GALNT13: variants seen among roughly 807,000 people sequenced by gnomAD.
The protein encoded by GALNT13 is UDP-GalNAc:polypeptide N-acetylgalactosaminyltransferase 13.
Under a neutral mutation model 64.2 loss-of-function variants are expected in GALNT13, and 28 were observed. That is an observed-to-expected ratio of 0.44 (90% CI 0.32 to 0.60). The LOEUF is 0.60. Ranked by LOEUF, GALNT13 falls within the 20% of genes least tolerant of loss-of-function variation. GALNT13 has a pLI of 0.05. For missense variants in GALNT13, 577 were observed against 669.8 expected (o/e 0.86, Z 1.53); for synonymous variants, 214 against 224.6 (o/e 0.95, Z 0.42).
At chr2:153,645,903 A>T in the GALNT13 span, among the ~76,000 whole-genome samples, 1 of 152,110 alleles carries the variant, frequency 6.6e-6, no homozygotes, top group African/African-American at 2.4e-5. Flanking sequence ...ACCAGCACCC[A>T]TTCTAGTATT....
chr2:153,160,457 T>A, the GALNT13 span, among the ~76,000 whole-genome samples: 1 of 152,220 alleles, frequency 6.6e-6, no homozygotes, highest in Non-Finnish European at 1.5e-5. Context: ...TTTTCCTTTC[T>A]GCTTTGCATC....
At chr2:154,131,252 G>A (rs1393571580) in intron 3 of GALNT13, among the ~76,000 whole-genome samples, 1 of 150,112 alleles carries the variant, frequency 6.7e-6, no homozygotes, top group Non-Finnish European at 1.5e-5. Flanking sequence ...TTGTATATAA[G>A]AAGCGTATGA....
At chr2:154,125,147 A>G (rs2105527605) in intron 3 of GALNT13, among the ~76,000 whole-genome samples, 1 of 152,292 alleles carries the variant, frequency 6.6e-6, no homozygotes. Flanking sequence ...ACATTTTAGA[A>G]CAGTGCCTAG....
chr2:153,221,617 C>A, the GALNT13 span, among the ~76,000 whole-genome samples: 2 of 152,190 alleles, frequency 1.3e-5, no homozygotes, highest in African/African-American at 4.8e-5. Flanking sequence ...CCCACTCAGC[C>A]AGGCAGGCTG....
intron 4 of GALNT13, among the ~76,000 whole-genome samples, chr2:154,206,582 G>A (rs1287616108): frequency 6.6e-6 from 1 of 151,934 alleles, no homozygotes; most frequent in African/African-American, 2.4e-5. Context: ...ATCAGCTGAA[G>A]GCAGGAGTTC....
At chr2:154,162,106 A>T (rs1684767534) in intron 4 of GALNT13, among the ~76,000 whole-genome samples, 1 of 152,192 alleles carries the variant, frequency 6.6e-6, no homozygotes, top group Non-Finnish European at 1.5e-5. Context: ...CTTTTGAAAA[A>T]TTATATTGTG....
Position 154,453,236 on chromosome 2 carries a change from T to C in GALNT13, c.*2685T>C, listed in dbSNP as rs1394240060. Reference sequence around the variant, plus strand: ...GTGATTCTGTTAACCATGAATTTGATTGTGTCACTTCCCTGCTCACAATCT... The same window carrying C: ...GTGATTCTGTTAACCATGAATTTGACTGTGTCACTTCCCTGCTCACAATCT... On this transcript the variant is annotated 3_prime_UTR_variant, in exon 13 of 13. Transcript: ENST00000392825. 7.9e-5 allele frequency: 12 copies of C among 152,128 alleles called. No individual in the cohort carries two copies. The allele number at this position is 152,128 out of a possible 1,614,324, so 9.4% of individuals were successfully genotyped here.
At chr2:153,181,702 A>G in the GALNT13 span, among the ~76,000 whole-genome samples, 1 of 145,762 alleles carries the variant, frequency 6.9e-6, no homozygotes, top group East Asian at 1.9e-4. Flanking sequence ...TAATTATATT[A>G]CATAAATATA....
At chr2:153,897,417 C>T (rs1392850808) in intron 1 of GALNT13, among the ~76,000 whole-genome samples, 2 of 152,066 alleles carry the variant, frequency 1.3e-5, no homozygotes, top group African/African-American at 4.8e-5. Context: ...AGGCATACCA[C>T]AAAAGTGATG....
chr2:154,278,416 A>G (rs1371605046), intron 8 of GALNT13, among the ~76,000 whole-genome samples: 1 of 152,158 alleles, frequency 6.6e-6, no homozygotes, highest in Non-Finnish European at 1.5e-5. Context: ...AGTTATGGAA[A>G]GTTAAAGATG....
chr2:154,412,167 C>A (rs1699823640), intron 11 of GALNT13, among the ~76,000 whole-genome samples: 1 of 151,688 alleles, frequency 6.6e-6, no homozygotes, highest in African/African-American at 2.4e-5. Context: ...GATGAACAAC[C>A]TCTCCTGTAA....
chr2:154,105,882 G>T (rs756096652), intron 3 of GALNT13, among the ~76,000 whole-genome samples: 26 of 152,056 alleles, frequency 1.7e-4, no homozygotes, highest in Admixed American at 3.3e-4. Flanking sequence ...TCTCTGACTA[G>T]TACCTACCGT....
chr2:154,302,418 C>T (rs904734978), intron 9 of GALNT13, among the ~76,000 whole-genome samples: 6 of 152,164 alleles, frequency 3.9e-5, no homozygotes, highest in Non-Finnish European at 8.8e-5. Context: ...AGGACAACAA[C>T]AAAAATCCAG....
chr2:154,300,098 TC>T (rs1693347398), intron 8 of GALNT13, among the ~76,000 whole-genome samples: 1 of 74,118 alleles, frequency 1.3e-5, no homozygotes, highest in East Asian at 3.6e-4. Flanking sequence ...TTTCTTTCTC[TC>T]TTTTTTTTTT....
the GALNT13 span, among the ~76,000 whole-genome samples, chr2:153,400,320 GT>G: frequency 6.6e-6 from 1 of 152,130 alleles, no homozygotes; most frequent in South Asian, 2.1e-4. Flanking sequence ...TGCTGGATTC[GT>G]TTTGCCAGTA....
chr2:153,809,390 G>A, the GALNT13 span, among the ~76,000 whole-genome samples: 1 of 152,014 alleles, frequency 6.6e-6, no homozygotes, highest in Non-Finnish European at 1.5e-5. Context: ...TACAGCTCTG[G>A]GTGGCTTCTC....
At chr2:154,254,467 G>A (rs1427976832) in intron 7 of GALNT13, among the ~76,000 whole-genome samples, 3 of 152,006 alleles carry the variant, frequency 2.0e-5, no homozygotes, top group Non-Finnish European at 4.4e-5. Flanking sequence ...GAATCTAGAG[G>A]CATCCAGATC....
chr2:153,244,700 G>A, the GALNT13 span, among the ~76,000 whole-genome samples: 6 of 152,198 alleles, frequency 3.9e-5, no homozygotes, highest in Admixed American at 2.6e-4. Flanking sequence ...CTTGGTGCCT[G>A]CCCAAACAGC....
the GALNT13 span, among the ~76,000 whole-genome samples, chr2:153,797,411 C>T: frequency 1.3e-5 from 2 of 152,138 alleles, no homozygotes; most frequent in Non-Finnish European, 2.9e-5. Flanking sequence ...CCTTTTTGAA[C>T]TATTCTCCAC....
Sources: gnomAD v4.1 joint callset for allele counts (sites outside exome capture counted in the v4.1 genomes callset) on GRCh38, gnomAD v4.1.1 for gene constraint, MANE v1.5 for transcripts, NCBI Gene and HGNC (gene_info 2026-07-23, HGNC 2026-07-21) for gene names.